Variants in CCNH observed in about 807,000 individuals in gnomAD.
CCNH encodes cyclin-H.
A neutral mutation model predicts 41.9 loss-of-function variants in CCNH; 31 were observed. That is an observed-to-expected ratio of 0.74 (90% CI 0.56 to 1.00). The LOEUF (loss-of-function observed/expected upper bound fraction) is 1.00. CCNH is among the 50% of genes least tolerant of loss of function. CCNH has a pLI of 0.00. For synonymous variants in CCNH, 138 were observed against 136.1 expected (o/e 1.01, Z -0.10); for missense variants, 362 against 388.4 (o/e 0.93, Z 0.57).
At chr5:87,321,506 C>A (rs1419197061) in intron 9 of CCNH, among the ~76,000 whole-genome samples, 2 of 152,212 alleles carry the variant, frequency 1.3e-5, no homozygotes, top group African/African-American at 4.8e-5. Flanking sequence ...GTTTCCACAA[C>A]CCCCTCTTTG....
At chr5:87,407,042 T>G (rs1763845472) in intron 4 of CCNH, among the ~76,000 whole-genome samples, 1 of 152,122 alleles carries the variant, frequency 6.6e-6, no homozygotes, top group Admixed American at 6.5e-5. Flanking sequence ...TGTGATCTCT[T>G]CCCCCTGCAT....
intron 9 of CCNH, among the ~76,000 whole-genome samples, chr5:87,385,787 T>C (rs1056940973): frequency 3.3e-5 from 5 of 152,080 alleles, no homozygotes; most frequent in African/African-American, 4.8e-5. Flanking sequence ...ATGACTGATA[T>C]TCAGTTGGGA....
intron 9 of CCNH, chr5:87,383,783 A>G (rs1283645711): frequency 6.2e-7 from 1 of 1,607,228 alleles, no homozygotes; most frequent in South Asian, 1.1e-5. Flanking sequence ...CATCTCAGGT[A>G]ATCAGCTTTT....
chr5:87,317,231 C>G (rs1363532215), downstream of CCNH, among the ~76,000 whole-genome samples: 1 of 152,144 alleles, frequency 6.6e-6, no homozygotes, highest in African/African-American at 2.4e-5. Flanking sequence ...TTACATGGTG[C>G]TCTTATTGCA....
chr5:87,409,903 A>G (rs1764094459), intron 2 of CCNH, among the ~76,000 whole-genome samples: 1 of 152,170 alleles, frequency 6.6e-6, no homozygotes, highest in Non-Finnish European at 1.5e-5. Flanking sequence ...AATGTATACC[A>G]TGTGCCAGAC....
downstream of CCNH, among the ~76,000 whole-genome samples, chr5:87,317,408 T>A (rs547311547): frequency 6.6e-6 from 1 of 152,326 alleles, no homozygotes; most frequent in African/African-American, 2.4e-5. Flanking sequence ...CTCATCACTT[T>A]GCTTATTTGT....
At chr5:87,322,021 C>T (rs1756854536) in intron 9 of CCNH, among the ~76,000 whole-genome samples, 1 of 152,130 alleles carries the variant, frequency 6.6e-6, no homozygotes, top group Admixed American at 6.5e-5. Flanking sequence ...TGTGTGTCCC[C>T]TCCAAATCTC....
chr5:87,327,883 T>C (rs974790630), intron 9 of CCNH, among the ~76,000 whole-genome samples: 9 of 151,624 alleles, frequency 5.9e-5, no homozygotes, highest in African/African-American at 2.2e-4. Flanking sequence ...GAGAATCACT[T>C]GAACCCAGGA....
chr5:87,358,985 C>T (rs554296593), intron 9 of CCNH, among the ~76,000 whole-genome samples: 1 of 152,278 alleles, frequency 6.6e-6, no homozygotes, highest in South Asian at 2.1e-4. Flanking sequence ...AACACTGCAA[C>T]TTGCTCAACC....
chr5:87,346,302 C>A (rs1251441875), intron 9 of CCNH, among the ~76,000 whole-genome samples: 1 of 151,770 alleles, frequency 6.6e-6, no homozygotes, highest in African/African-American at 2.4e-5. Context: ...GAAATGAATT[C>A]ATTAATTTTT....
At chr5:87,399,349 G>T in intron 7 of CCNH, 45 bp downstream of exon 7, 1 of 1,346,338 alleles carries the variant, frequency 7.4e-7, no homozygotes, top group Non-Finnish European at 1.1e-6. Context: ...CAGCTGGACT[G>T]GATAACAGTT....
chr5:87,326,456 T>C (rs539871564), intron 9 of CCNH, among the ~76,000 whole-genome samples: 1 of 152,202 alleles, frequency 6.6e-6, no homozygotes, highest in African/African-American at 2.4e-5. Context: ...CTGTAAGATT[T>C]CTCAACAAAA....
intron 9 of CCNH, chr5:87,346,581 A>G: frequency 1.3e-6 from 1 of 744,172 alleles, no homozygotes; most frequent in Non-Finnish European, 2.2e-6. Context: ...ATCACTTTGA[A>G]TTAAACTTAC....
At chr5:87,390,540 G>T (rs1762431992), downstream of CCNH, among the ~76,000 whole-genome samples, 1 of 152,152 alleles carries the variant, frequency 6.6e-6, no homozygotes, top group South Asian at 2.1e-4. Context: ...ATGTGATAGT[G>T]TGATAGTTCT....
chr5:87,332,850 C>G (rs1757695575), intron 9 of CCNH, among the ~76,000 whole-genome samples: 1 of 151,392 alleles, frequency 6.6e-6, no homozygotes, highest in Non-Finnish European at 1.5e-5. Context: ...TTTAAGTAAC[C>G]AGATTAAAAG....
At chr5:87,314,171 C>G (rs1756137608), downstream of CCNH, among the ~76,000 whole-genome samples, 1 of 151,866 alleles carries the variant, frequency 6.6e-6, no homozygotes, top group African/African-American at 2.4e-5. Context: ...AAAACTCTGT[C>G]TCAAAAAGAT....
exon 1 of CCNH, chr5:87,376,357 CT>C (rs756700247): frequency 7.4e-5 from 119 of 1,610,108 alleles, no homozygotes; most frequent in Non-Finnish European, 9.5e-5. Context: ...ATCGTGTTCT[CT>C]TTTTAAACAA....
chr5:87,349,277 AT>A (rs1356602196), intron 9 of CCNH: 1 of 1,612,172 alleles, frequency 6.2e-7, no homozygotes, highest in Non-Finnish European at 8.5e-7. Context: ...TATTCACTTT[AT>A]TTCCGGACCA....
Position 87,409,289 on chromosome 5 carries a change from CATT to C in CCNH, c.312_314del (p.Ile104del), listed in dbSNP as rs764710106. The C allele has an allele frequency of 2.7e-6, 4 of 1,496,362 alleles. No individual in the cohort carries two copies. The highest frequency in any genetic ancestry group is 1.7e-4 in the Middle Eastern group (1 of 5,824). The allele number at this position is 1,496,362 out of a possible 1,614,324, so 92.7% of individuals were successfully genotyped here. A position where few individuals can be genotyped will look rare whatever the true frequency, so the allele number is the denominator to read the frequency against. On this transcript the variant is annotated inframe_deletion and splice_region_variant, in exon 3 of 9. Transcript: ENST00000256897. ...ACAATATATTAGACAGACATACTCA[CATT>C]ATTATCCTGGGGTGATATTCCATTA... is the stretch of plus-strand genomic sequence containing the variant.
Sources: allele counts gnomAD v4.1 joint callset (sites outside exome capture counted in the v4.1 genomes callset), GRCh38; gene constraint gnomAD v4.1.1; transcripts MANE v1.5; gene names NCBI Gene and HGNC (gene_info 2026-07-23, HGNC 2026-07-21).